Variants in TJP1 observed in about 807,000 individuals in gnomAD.
The protein encoded by TJP1 is tight junction protein ZO-1.
In TJP1, 43 loss-of-function variants were observed where a neutral mutation model predicts 194.2. The observed-to-expected ratio is 0.22, with a 90% CI of 0.17 to 0.29. TJP1 has a LOEUF of 0.29. TJP1 is among the 10% of genes least tolerant of loss of function. TJP1 has a pLI of 1.00. For synonymous variants in TJP1, 801 were observed against 779.0 expected (o/e 1.03, Z -0.47); for missense variants, 1,971 against 2,185.7 (o/e 0.90, Z 1.96).
rs1032560120 is a variant in TJP1, at chr15:29,730,628, A to C, written c.2017+1805T>G. 1.3e-4 allele frequency: 79 copies of C among 624,800 alleles called. 1 individual carries two copies. The highest frequency in any genetic ancestry group is 1.1e-3 in the Admixed American group (54 of 47,958). The allele number at this position is 624,800 out of a possible 1,614,324, so 38.7% of individuals were successfully genotyped here. A position where few individuals can be genotyped will look rare whatever the true frequency, so the allele number is the denominator to read the frequency against. ...AAAAAAGAGGAGCAGTGTGAAGAAG[A>C]GGCGAGAACGACCCCCGGACCGACC... On this transcript the variant is annotated intron_variant, in intron 15 of 27. Transcript: ENST00000614355.
chr15:29,919,899 A>G (rs904998266), intron 2 of TJP1, among the ~76,000 whole-genome samples: 1 of 606 alleles, frequency 1.7e-3, no homozygotes, highest in Non-Finnish European at 3.6e-3. Context: ...TCCCCTTCCC[A>G]GTGGGGGAGA....
intron 2 of TJP1, among the ~76,000 whole-genome samples, chr15:29,927,688 G>A (rs1354210681): frequency 6.6e-6 from 1 of 152,178 alleles, no homozygotes; most frequent in Admixed American, 6.5e-5. Flanking sequence ...CTGAGAAGGT[G>A]AGCCACGCAT....
chr15:29,949,396 C>CACCTCCACAACCACCACCTCT (rs1426547576), intron 2 of TJP1, among the ~76,000 whole-genome samples: 3 of 138,602 alleles, frequency 2.2e-5, no homozygotes, highest in Non-Finnish European at 4.7e-5. Flanking sequence ...CCACCACCAC[C>CACCTCCACAACCACCACCTCT]ACCTCCACAA....
intron 4 of TJP1, among the ~76,000 whole-genome samples, chr15:29,767,770 T>C (rs893666753): frequency 2.6e-5 from 4 of 152,096 alleles, no homozygotes; most frequent in African/African-American, 9.7e-5. Flanking sequence ...TTTTTCAGTA[T>C]TTCCCCTCCT....
intron 2 of TJP1, among the ~76,000 whole-genome samples, chr15:29,790,626 G>A (rs1349683341): frequency 6.6e-6 from 1 of 151,986 alleles, no homozygotes; most frequent in Non-Finnish European, 1.5e-5. Context: ...ACTAAACACT[G>A]TATCTTACTC....
At chr15:29,807,667 A>G (rs2049200172) in intron 1 of TJP1, among the ~76,000 whole-genome samples, 1 of 152,148 alleles carries the variant, frequency 6.6e-6, no homozygotes, top group Non-Finnish European at 1.5e-5. Flanking sequence ...AGGGGAGGAA[A>G]TCAAAAACAG....
At chr15:29,928,362 T>C (rs1003352514) in intron 2 of TJP1, among the ~76,000 whole-genome samples, 1 of 152,182 alleles carries the variant, frequency 6.6e-6, no homozygotes, top group East Asian at 1.9e-4. Flanking sequence ...TGGTTAAAAA[T>C]TTTTTTAAGT....
At chr15:29,830,631 A>T in intron 2 of TJP1, among the ~76,000 whole-genome samples, 1 of 151,992 alleles carries the variant, frequency 6.6e-6, no homozygotes, top group African/African-American at 2.4e-5. Context: ...AGTATAAAAT[A>T]AAAAAAGTTA....
chr15:29,912,741 ATAT>A (rs1228738488), intron 2 of TJP1, among the ~76,000 whole-genome samples: 2 of 150,532 alleles, frequency 1.3e-5, no homozygotes, highest in East Asian at 3.9e-4. Flanking sequence ...CTTGGAAAAA[ATAT>A]TCTGGGAGGT....
intron 2 of TJP1, among the ~76,000 whole-genome samples, chr15:29,889,028 A>C (rs2053218125): frequency 6.6e-6 from 1 of 152,214 alleles, no homozygotes; most frequent in African/African-American, 2.4e-5. Context: ...CAGAGACGCA[A>C]ATCTGCTCCC....
intron 1 of TJP1, among the ~76,000 whole-genome samples, chr15:29,814,514 A>G (rs1219777663): frequency 1.3e-5 from 2 of 152,230 alleles, no homozygotes; most frequent in Admixed American, 1.3e-4. Context: ...AACTGGTGAT[A>G]TTCAGTTACC....
chr15:29,746,649 T>C (rs1432473325), intron 8 of TJP1, among the ~76,000 whole-genome samples: 1 of 151,952 alleles, frequency 6.6e-6, no homozygotes, highest in African/African-American at 2.4e-5. Flanking sequence ...AATTTACTTA[T>C]TATAATAAAG....
At chr15:29,891,979 G>C (rs1241148756) in intron 2 of TJP1, among the ~76,000 whole-genome samples, 1 of 152,230 alleles carries the variant, frequency 6.6e-6, no homozygotes, top group African/African-American at 2.4e-5. Context: ...ATTAAACTTA[G>C]AGGAAGCCAT....
intron 2 of TJP1, among the ~76,000 whole-genome samples, chr15:29,851,379 G>T (rs1415554134): frequency 6.6e-6 from 1 of 151,884 alleles, no homozygotes; most frequent in Non-Finnish European, 1.5e-5. Flanking sequence ...TAACTCAGAA[G>T]AAATGGGCAA....
At chr15:29,869,761 C>A (rs889606551) in intron 2 of TJP1, among the ~76,000 whole-genome samples, 2 of 146,892 alleles carry the variant, frequency 1.4e-5, no homozygotes, top group Admixed American at 1.4e-4. Flanking sequence ...GAAGGCAGAA[C>A]GATATCCTTT....
chr15:29,802,246 A>C (rs1384219599), intron 1 of TJP1, among the ~76,000 whole-genome samples: 1 of 152,200 alleles, frequency 6.6e-6, no homozygotes, highest in East Asian at 1.9e-4. Flanking sequence ...TTCATAAGTG[A>C]GGTCTGTTTT....
intron 24 of TJP1, among the ~76,000 whole-genome samples, chr15:29,710,497 T>C (rs1364721999): frequency 6.6e-6 from 1 of 152,242 alleles, no homozygotes; most frequent in Non-Finnish European, 1.5e-5. Flanking sequence ...ATACATTTTA[T>C]ATGAAACATT....
chr15:29,720,123 C>T, intron 19 of TJP1, 107 bp from the exon 20 acceptor site: 1 of 1,385,364 alleles, frequency 7.2e-7, no homozygotes, highest in Non-Finnish European at 9.6e-7. Flanking sequence ...TGCTGAATAA[C>T]AAAATTATGA....
intron 2 of TJP1, among the ~76,000 whole-genome samples, chr15:29,908,597 G>A (rs2053906106): frequency 1.3e-5 from 2 of 152,208 alleles, no homozygotes; most frequent in Admixed American, 1.3e-4. Context: ...CTGTTTTGAA[G>A]GTGGGGCACC....
Sources: gnomAD v4.1 joint callset for allele counts (sites outside exome capture counted in the v4.1 genomes callset) on GRCh38, gnomAD v4.1.1 for gene constraint, MANE v1.5 for transcripts, NCBI Gene and HGNC (gene_info 2026-07-23, HGNC 2026-07-21) for gene names.